Variants in SLMAP observed in about 807,000 individuals in gnomAD.
The protein encoded by SLMAP is sarcolemma associated protein, also known as sarcolemmal membrane-associated protein.
SLMAP carries 44 observed loss-of-function variants against 128.8 expected under a neutral mutation model. The ratio of observed to expected loss-of-function variants is 0.34; its 90% confidence interval spans 0.27 to 0.44. The LOEUF (loss-of-function observed/expected upper bound fraction) is 0.44, where lower values mean the gene tolerates loss of function less well. Among genes scored for constraint, SLMAP ranks in the 20% least tolerant of loss-of-function variants. SLMAP has a pLI of 1.00. For missense variants in SLMAP, 787 were observed against 985.3 expected, an observed-to-expected ratio of 0.80 and a Z score of 2.69; for synonymous variants, 327 against 348.8, an observed-to-expected ratio of 0.94 and a Z score of 0.70.
At chr3:57,825,934 A>G (rs905748260) in intron 2 of SLMAP, among the ~76,000 whole-genome samples, 3 of 151,986 alleles carry the variant, frequency 2.0e-5, no homozygotes, top group Non-Finnish European at 4.4e-5. Flanking sequence ...TGTTTTCGAG[A>G]CTTTTAACAA....
Position 57,775,509 on chromosome 3 carries a change from C to CAAA in SLMAP, c.198+17687_198+17689dup, listed in dbSNP as rs1009755128. Among the ~76,000 whole-genome samples, 23 of 21,192 alleles carry CAAA rather than the reference C, an allele frequency of 1.1e-3. 1 individual carries two copies. Among genetic ancestry groups the CAAA allele is most frequent in the Non-Finnish European group, 1.6e-3 (11 of 6,994 alleles). The allele number at this position is 21,192 out of a possible 152,430, so 13.9% of individuals were successfully genotyped here. ...GCAACAAAGTGAAACCCTGTTGGTACAAAAAAAAAAAAAAAAAAAAAAAAA... is the reference window on the plus strand; with the variant it reads ...GCAACAAAGTGAAACCCTGTTGGTACAAAAAAAAAAAAAAAAAAAAAAAAAAAA... On this transcript the variant is annotated intron_variant, in intron 2 of 24. Transcript: ENST00000671191.
At chr3:57,889,523 CATTTACAGAAA>C (rs1366971900) in intron 14 of SLMAP, among the ~76,000 whole-genome samples, 1 of 152,124 alleles carries the variant, frequency 6.6e-6, no homozygotes, top group Non-Finnish European at 1.5e-5. Flanking sequence ...TAGCATTATA[CATTTACAGAAA>C]ATCCCCCATA....
At chr3:57,873,939 G>T (rs903164878) in intron 14 of SLMAP, among the ~76,000 whole-genome samples, 1 of 152,156 alleles carries the variant, frequency 6.6e-6, no homozygotes, top group Non-Finnish European at 1.5e-5. Context: ...TGGCCAACAT[G>T]GTGAAACCCC....
At chr3:57,902,657 C>T (rs1160436557) in intron 17 of SLMAP, among the ~76,000 whole-genome samples, 1 of 152,112 alleles carries the variant, frequency 6.6e-6, no homozygotes, top group East Asian at 1.9e-4. Flanking sequence ...ATCCATTGGC[C>T]TGAGACATTA....
chr3:57,796,832 A>C (rs1284691553), intron 2 of SLMAP, among the ~76,000 whole-genome samples: 1 of 152,238 alleles, frequency 6.6e-6, no homozygotes, highest in Non-Finnish European at 1.5e-5. Context: ...GATATCAGTG[A>C]AAATGTCAAA....
rs1463161838 is a variant in SLMAP, at chr3:57,929,305, G to C, written c.*2016G>C. 6.6e-6 allele frequency: 1 copy of C among 152,530 alleles called. No homozygotes were observed. Among genetic ancestry groups the C allele is most frequent in the East Asian group, 1.9e-4 (1 of 5,206 alleles). 9.4% of individuals were successfully genotyped at this position (152,530 alleles called of 1,614,324 possible). A position where few individuals can be genotyped will look rare whatever the true frequency, so the allele number is the denominator to read the frequency against. ...TCTTCAGGGTTTAAAAGAAAACACT[G>C]AGCTGTTTCCTCCAAGTTTTATTAA... On this transcript the variant is annotated 3_prime_UTR_variant, in exon 25 of 25. Coordinates refer to ENST00000671191, the MANE Select transcript of SLMAP (RefSeq NM_001377540.1).
At chr3:57,888,827 A>G (rs1358722849) in intron 14 of SLMAP, among the ~76,000 whole-genome samples, 4 of 152,154 alleles carry the variant, frequency 2.6e-5, no homozygotes, top group African/African-American at 7.2e-5. Flanking sequence ...GTGAAGTAGG[A>G]CAGAGGACAG....
intron 2 of SLMAP, among the ~76,000 whole-genome samples, chr3:57,819,062 C>T (rs1304423435): frequency 6.6e-6 from 1 of 152,166 alleles, no homozygotes; most frequent in Non-Finnish European, 1.5e-5. Flanking sequence ...TTTCCCATTT[C>T]AGACAAAATG....
chr3:57,911,776 A>C (rs1304789713), intron 19 of SLMAP, among the ~76,000 whole-genome samples: 1 of 152,162 alleles, frequency 6.6e-6, no homozygotes, highest in Non-Finnish European at 1.5e-5. Context: ...CCAGAGAATG[A>C]CAGTGAGCTG....
chr3:57,826,374 T>G lies in SLMAP; in HGVS notation c.199-5009T>G, dbSNP rs777851681. ...TTATTCTCTTTTTTCTTAAAATAACTGTATGGATGTGACCTTGATACATTT... is the reference window on the plus strand; with the variant it reads ...TTATTCTCTTTTTTCTTAAAATAACGGTATGGATGTGACCTTGATACATTT... On this transcript the variant is annotated intron_variant, in intron 2 of 24. Coordinates refer to ENST00000671191, the MANE Select transcript of SLMAP (RefSeq NM_001377540.1). Among the ~76,000 whole-genome samples the G allele has an allele frequency of 3.3e-5, 5 of 152,362 alleles. No individual in the cohort carries two copies. In the South Asian group the frequency reaches 1.0e-3, roughly 32 times the overall value.
At chr3:57,801,602 C>A (rs2088388262) in intron 2 of SLMAP, among the ~76,000 whole-genome samples, 1 of 150,580 alleles carries the variant, frequency 6.6e-6, no homozygotes. Context: ...CTGTAATCTT[C>A]TTATCCATTC....
intron 22 of SLMAP, 189 bp downstream of exon 22, chr3:57,917,266 G>T: frequency 7.1e-7 from 1 of 1,415,890 alleles, no homozygotes. Context: ...GAATTCTTCA[G>T]TAGGGTTGGT....
chr3:57,807,157 A>C (rs1373154274), intron 2 of SLMAP, among the ~76,000 whole-genome samples: 1 of 152,158 alleles, frequency 6.6e-6, no homozygotes, highest in African/African-American at 2.4e-5. Context: ...GGCCGCGTAA[A>C]TGTCTTCTTT....
Position 57,757,164 on chromosome 3 carries a change from C to T in SLMAP, c.-488C>T, listed in dbSNP as rs2077795549. ...GCCCAGAGGTGCCCAGCCACACCTT[C>T]CTTCGGCCCAAAAGGACTTTCCTGG... On this transcript the variant is annotated 5_prime_UTR_variant, in exon 2 of 25. Coordinates refer to ENST00000671191, the MANE Select transcript of SLMAP (RefSeq NM_001377540.1). The T allele has an allele frequency of 5.1e-6, 1 of 195,612 alleles. No individual in the cohort carries two copies. 12.1% of individuals were successfully genotyped at this position (195,612 alleles called of 1,614,324 possible). A position where few individuals can be genotyped will look rare whatever the true frequency, so the allele number is the denominator to read the frequency against.
chr3:57,890,210 A>C (rs1026212474), intron 15 of SLMAP, 110 bp downstream of exon 15: 1 of 919,588 alleles, frequency 1.1e-6, no homozygotes, highest in South Asian at 1.6e-5. Context: ...CTTATAGCTC[A>C]CAAAATAGCA....
At chr3:57,874,148 C>T (rs2095549073) in intron 14 of SLMAP, among the ~76,000 whole-genome samples, 3 of 151,912 alleles carry the variant, frequency 2.0e-5, no homozygotes, top group South Asian at 2.1e-4. Context: ...AAAAATTATC[C>T]GGGAGTGATG....
At chr3:57,853,678 T>C (rs1462901761) in intron 6 of SLMAP, among the ~76,000 whole-genome samples, 1 of 151,788 alleles carries the variant, frequency 6.6e-6, no homozygotes, top group African/African-American at 2.4e-5. Context: ...ACGGTGGCTA[T>C]GCCTGTAATC....
chr3:57,920,988 G>A (rs2096906415), intron 22 of SLMAP, among the ~76,000 whole-genome samples: 1 of 151,966 alleles, frequency 6.6e-6, no homozygotes, highest in South Asian at 2.1e-4. Flanking sequence ...CTGCACTCCA[G>A]CCTGGGTGAC....
intron 17 of SLMAP, among the ~76,000 whole-genome samples, chr3:57,903,899 A>G (rs543825824): frequency 3.3e-4 from 50 of 152,352 alleles, no homozygotes; most frequent in Admixed American, 3.0e-3. Context: ...TATGAAGCAG[A>G]TTGATATAGA....
Sources: gnomAD v4.1 joint callset for allele counts (sites outside exome capture counted in the v4.1 genomes callset) on GRCh38, gnomAD v4.1.1 for gene constraint, MANE v1.5 for transcripts, NCBI Gene and HGNC (gene_info 2026-07-23, HGNC 2026-07-21) for gene names.